Variants in SORCS1 observed in about 807,000 individuals in gnomAD.
SORCS1 encodes VPS10 domain-containing receptor SorCS1.
SORCS1 carries 60 observed loss-of-function variants against 146.1 expected under a neutral mutation model. The ratio of observed to expected loss-of-function variants is 0.41; its 90% CI spans 0.33 to 0.51. SORCS1 has a LOEUF of 0.51. Ranked by LOEUF, SORCS1 falls within the 20% of genes least tolerant of loss-of-function variation. The pLI, the probability that SORCS1 is intolerant of heterozygous loss-of-function variation, is 0.21. For missense variants in SORCS1, 1,352 were observed against 1,487.6 expected (o/e 0.91, Z 1.50); for synonymous variants, 637 against 584.0 (o/e 1.09, Z -1.31).
At chr10:107,160,985 C>A (rs1055060694) in intron 1 of SORCS1, among the ~76,000 whole-genome samples, 3 of 152,122 alleles carry the variant, frequency 2.0e-5, no homozygotes, top group African/African-American at 4.8e-5. Context: ...ATGATTCATA[C>A]CCAGCACCTT....
Position 106,635,671 on chromosome 10 carries a change from C to T in SORCS1, c.2476-6283G>A, listed in dbSNP as rs140805171. 2.7e-3 allele frequency among the ~76,000 whole-genome samples: 414 copies of T among 152,194 alleles called. 5 individuals carry two copies. Among genetic ancestry groups the T allele is most frequent in the African/African-American group, 9.3e-3 (385 of 41,528 alleles). ...TACAAAATACAACACTATACCTCTACTATTACTATAAATATTTAAATATGG... is the reference window on the plus strand; with the variant it reads ...TACAAAATACAACACTATACCTCTATTATTACTATAAATATTTAAATATGG... On this transcript the variant is annotated intron_variant, in intron 18 of 25. Coordinates refer to ENST00000263054, the MANE Select transcript of SORCS1 (RefSeq NM_052918.5).
At chr10:106,786,340 T>A (rs1371497574) in intron 3 of SORCS1, among the ~76,000 whole-genome samples, 1 of 152,182 alleles carries the variant, frequency 6.6e-6, no homozygotes, top group Non-Finnish European at 1.5e-5. Context: ...CCAAGATGGC[T>A]CCTTCATTCC....
chr10:107,041,728 C>A (rs1244227623), intron 1 of SORCS1, among the ~76,000 whole-genome samples: 1 of 151,970 alleles, frequency 6.6e-6, no homozygotes, highest in Admixed American at 6.6e-5. Context: ...GAACACAGAC[C>A]TCAGAACCCT....
chr10:107,062,229 T>G (rs1740553153), intron 1 of SORCS1, among the ~76,000 whole-genome samples: 1 of 152,182 alleles, frequency 6.6e-6, no homozygotes, highest in Admixed American at 6.6e-5. Context: ...GACATTGAAT[T>G]TAATCTCTTC....
chr10:106,867,332 T>C (rs937196297), intron 2 of SORCS1, among the ~76,000 whole-genome samples: 1 of 151,818 alleles, frequency 6.6e-6, no homozygotes, highest in African/African-American at 2.4e-5. Flanking sequence ...TCGCCCACGC[T>C]GGAGTGCAGT....
chr10:106,818,587 A>G (rs1258658488), intron 3 of SORCS1, among the ~76,000 whole-genome samples: 1 of 152,092 alleles, frequency 6.6e-6, no homozygotes, highest in Admixed American at 6.6e-5. Flanking sequence ...GATAGTCTCG[A>G]TCTCTTGACC....
chr10:107,061,475 C>T (rs1961226633), intron 1 of SORCS1, among the ~76,000 whole-genome samples: 1 of 152,140 alleles, frequency 6.6e-6, no homozygotes, highest in African/African-American at 2.4e-5. Flanking sequence ...TTCGACATCT[C>T]TTATGTAAAA....
At chr10:106,623,243 C>CTTTT (rs200567639) in intron 19 of SORCS1, among the ~76,000 whole-genome samples, 1 of 135,932 alleles carries the variant, frequency 7.4e-6, no homozygotes, top group Non-Finnish European at 1.6e-5. Flanking sequence ...CATATGTGAG[C>CTTTT]TTTTTTTTTT....
In SORCS1 at chr10:106,730,056, C is replaced by G; in HGVS notation, c.1018G>C (p.Asp340His). Residue 340 changes from aspartate (D) to histidine (H), a missense_variant, in exon 6 of 26, where the codon GAT (aspartate) becomes CAT (histidine). Asp to His is a moderately conservative substitution (Grantham distance 81). This residue lies in a region of SORCS1 where 490 missense variants were observed against 489.1 expected (regional missense o/e 1.00). Coordinates refer to ENST00000263054, the MANE Select transcript of SORCS1 (RefSeq NM_052918.5). ...DLVHLEARTV[D>H]GHSHYLTCRM... ...GCAAAGTTGATTTACTTACGACCAT[C>G]CACAGTTCTGGCCTCAAGATGCACA... is the stretch of plus-strand genomic sequence containing the variant. 6.2e-7 allele frequency: 1 copy of G among 1,614,124 alleles called. No individual in the cohort carries two copies. Among genetic ancestry groups the G allele is most frequent in the South Asian group, 1.1e-5 (1 of 91,082 alleles).
At chr10:106,600,283 C>T (rs1041107097) in intron 23 of SORCS1, 3 of 948,996 alleles carry the variant, frequency 3.2e-6, no homozygotes, top group Non-Finnish European at 3.8e-6. Context: ...ATCTGTGTCA[C>T]TTACAAAATT....
At chr10:106,933,476 ATGATTTATTAATTCAT>A (rs1374329063) in intron 2 of SORCS1, among the ~76,000 whole-genome samples, 3 of 152,328 alleles carry the variant, frequency 2.0e-5, no homozygotes, top group East Asian at 3.9e-4. Flanking sequence ...AATATAATCA[ATGATTTATTAATTCAT>A]TGATTTATTA....
chr10:106,660,771 C>A (rs1333254364), intron 17 of SORCS1, among the ~76,000 whole-genome samples: 1 of 151,448 alleles, frequency 6.6e-6, no homozygotes, highest in Admixed American at 6.6e-5. Flanking sequence ...AAAAAGTCCC[C>A]ATTGCATATT....
At chr10:107,090,608 T>C (rs1964114486) in intron 1 of SORCS1, among the ~76,000 whole-genome samples, 1 of 152,208 alleles carries the variant, frequency 6.6e-6, no homozygotes, top group Non-Finnish European at 1.5e-5. Context: ...TACAGATAGA[T>C]GTCCCCTATT....
chr10:106,862,998 A>G (rs1341924037), intron 2 of SORCS1, among the ~76,000 whole-genome samples: 1 of 152,164 alleles, frequency 6.6e-6, no homozygotes, highest in Non-Finnish European at 1.5e-5. Flanking sequence ...AATTTTGTAA[A>G]GTCTATCCAT....
chr10:107,160,548 C>T (rs1157535044), intron 1 of SORCS1, among the ~76,000 whole-genome samples: 1 of 152,072 alleles, frequency 6.6e-6, no homozygotes, highest in Admixed American at 6.5e-5. Flanking sequence ...CAAAGAGGTA[C>T]ACAGAAATCA....
chr10:106,919,900 T>C (rs1242473100), intron 2 of SORCS1, among the ~76,000 whole-genome samples: 1 of 152,204 alleles, frequency 6.6e-6, no homozygotes, highest in Non-Finnish European at 1.5e-5. Context: ...AACAATATAG[T>C]CATGCTAAAT....
chr10:106,919,802 G>A (rs1379192133), intron 2 of SORCS1, among the ~76,000 whole-genome samples: 2 of 152,142 alleles, frequency 1.3e-5, no homozygotes, highest in African/African-American at 4.8e-5. Context: ...GTCCTGGTTG[G>A]CTCAGGACAA....
chr10:107,164,298 G>C lies in SORCS1; in HGVS notation c.229C>G (p.Leu77Val), dbSNP rs778361835. The C allele has an allele frequency of 6.3e-7, 1 of 1,587,976 alleles. No individual in the cohort carries two copies. The highest frequency in any genetic ancestry group is 1.1e-5 in the South Asian group (1 of 89,058). The change falls in exon 1 of 26, where the codon CTG (leucine) becomes GTG (valine). Residue 77 changes from leucine (L) to valine (V), a missense_variant. Transcript: ENST00000263054. The surrounding 1 kb of genome is among the most constrained non-coding windows in gnomAD (Gnocchi z 6.8). ...ATPLPLVVRP[L>V]FSVAPGDRAL... ...CGGTCCCCGGGGGCCACTGAGAACA[G>C]GGGACGCACTACGAGGGGCAGGGGC...
Position 106,776,534 on chromosome 10 carries a change from C to T in SORCS1, c.885G>A (p.Lys295=), listed in dbSNP as rs758629358. ...DWILAYSQDQ[K]LYSSAEFGRR... Reference sequence around the variant, plus strand: ...TCTCAAACAAGGTAAGTATGCTCACCTTTTGGTCTTGACTGTATGCCAGAA... The same window carrying T: ...TCTCAAACAAGGTAAGTATGCTCACTTTTTGGTCTTGACTGTATGCCAGAA... Residue 295 remains lysine, a splice_region_variant and synonymous_variant, in exon 4 of 26, where the codon AAG becomes AAA. Coordinates refer to ENST00000263054, the MANE Select transcript of SORCS1 (RefSeq NM_052918.5). 6.8e-6 allele frequency: 11 copies of T among 1,613,838 alleles called. No homozygotes were observed. In the Admixed American group the frequency reaches 1.7e-4, roughly 24 times the overall value.
Sources: allele counts gnomAD v4.1 joint callset (sites outside exome capture counted in the v4.1 genomes callset), GRCh38; gene constraint gnomAD v4.1.1; regional missense constraint gnomAD v4.1.1; non-coding constraint Gnocchi (gnomAD v3.1); transcripts MANE v1.5; gene names NCBI Gene and HGNC (gene_info 2026-07-23, HGNC 2026-07-21).